Variants in SERPINI1 observed in about 807,000 individuals in gnomAD.
SERPINI1 encodes serpin family I member 1, also known as neuroserpin.
SERPINI1 carries 19 observed loss-of-function variants against 41.1 expected under a neutral mutation model. The observed-to-expected ratio is 0.46, with a 90% CI of 0.32 to 0.68. The LOEUF (loss-of-function observed/expected upper bound fraction) is 0.68, where lower values mean the gene tolerates loss of function less well. SERPINI1 is among the 30% of genes least tolerant of loss of function. The pLI is 0.03. For synonymous variants in SERPINI1, 138 were observed against 156.6 expected (o/e 0.88, Z 0.89); for missense variants, 460 against 479.2 (o/e 0.96, Z 0.37).
chr3:167,749,507 A>G (rs1725975186), intron 1 of SERPINI1, among the ~76,000 whole-genome samples: 1 of 152,124 alleles, frequency 6.6e-6, no homozygotes, highest in Admixed American at 6.5e-5. Context: ...AAAACCATAA[A>G]CCCAGTCTCA....
chr3:167,809,005 A>G (rs920517508), intron 6 of SERPINI1, among the ~76,000 whole-genome samples: 1 of 152,198 alleles, frequency 6.6e-6, no homozygotes, highest in African/African-American at 2.4e-5. Context: ...CAGAGAGCTT[A>G]CAGCCCTAAA....
chr3:167,765,826 C>G (rs1218393735), intron 1 of SERPINI1, among the ~76,000 whole-genome samples: 1 of 152,186 alleles, frequency 6.6e-6, no homozygotes, highest in East Asian at 1.9e-4. Context: ...CCTAAATCAT[C>G]TCTGTCAAGT....
chr3:167,758,979 A>G (rs1397400121), intron 1 of SERPINI1, among the ~76,000 whole-genome samples: 2 of 152,198 alleles, frequency 1.3e-5, no homozygotes, highest in African/African-American at 4.8e-5. Context: ...TTTATAAAAG[A>G]AGCTTAAGAG....
At chr3:167,771,597 C>A (rs1726749618) in intron 1 of SERPINI1, among the ~76,000 whole-genome samples, 1 of 152,096 alleles carries the variant, frequency 6.6e-6, no homozygotes. Flanking sequence ...TGCCTTTGTG[C>A]TCTGTTAGTG....
Position 167,824,515 on chromosome 3 carries a change from T to A in SERPINI1, c.1109T>A (p.Val370Asp). The change falls in exon 8 of 9, where the codon GTT becomes GAT. Residue 370 changes from valine to aspartate, a missense_variant. Coordinates refer to ENST00000446050, the MANE Select transcript of SERPINI1 (RefSeq NM_001122752.2). ...ISRMAVLYPQVIVDHPFFFLI... is the reference protein window; with the variant it reads ...ISRMAVLYPQDIVDHPFFFLI... The stretch of plus-strand genomic sequence containing the variant: ...AGGATGGCTGTGCTGTATCCTCAAG[T>A]TATTGTCGACCATCCATTTTTCTTT... The A allele has an allele frequency of 6.2e-7, 1 of 1,613,734 alleles. No homozygotes were observed. Among genetic ancestry groups the A allele is most frequent in the Non-Finnish European group, 8.5e-7 (1 of 1,179,780 alleles).
rs112949508 is a variant in SERPINI1 at position 167,756,532 on chromosome 3, A to T, written c.-19+20709A>T. On this transcript the variant is annotated intron_variant, in intron 1 of 8. Coordinates refer to ENST00000446050, the MANE Select transcript of SERPINI1 (RefSeq NM_001122752.2). Reference sequence around the variant, plus strand: ...ACCATGTTACTCAGGCTGGTCTTGAACTCCCCTACTCAAGTGATCCACCCA... The same window carrying T: ...ACCATGTTACTCAGGCTGGTCTTGATCTCCCCTACTCAAGTGATCCACCCA... Among the ~76,000 whole-genome samples, 310 of 151,718 alleles carry T rather than the reference A, an allele frequency of 2.0e-3. 1 individual carries two copies. The Middle Eastern group carries it at 0.024, about 12-fold the overall frequency.
intron 1 of SERPINI1, among the ~76,000 whole-genome samples, chr3:167,755,243 C>G (rs868464075): frequency 1.6e-4 from 24 of 152,102 alleles, no homozygotes; most frequent in Non-Finnish European, 1.5e-4. Flanking sequence ...GAAGCACTTC[C>G]TAATTAAGAA....
chr3:167,788,402 C>T (rs1214363183), intron 1 of SERPINI1, among the ~76,000 whole-genome samples: 1 of 152,128 alleles, frequency 6.6e-6, no homozygotes, highest in Non-Finnish European at 1.5e-5. Context: ...GAAATGGTAA[C>T]ATAAGCCTGA....
intron 1 of SERPINI1, among the ~76,000 whole-genome samples, chr3:167,785,946 A>ATTGCCTAAT (rs571789619): frequency 6.4e-4 from 98 of 152,348 alleles, no homozygotes; most frequent in African/African-American, 2.3e-3. Flanking sequence ...ATTTGAACAA[A>ATTGCCTAAT]TGAGTCATTA....
chr3:167,822,835 G>A (rs961841315), intron 6 of SERPINI1, 151 bp from the exon 7 acceptor site: 1 of 610,626 alleles, frequency 1.6e-6, no homozygotes, highest in Non-Finnish European at 2.9e-6. Flanking sequence ...CATCTTCAAT[G>A]GTTATCTCAT....
intron 1 of SERPINI1, among the ~76,000 whole-genome samples, chr3:167,765,165 G>C (rs1726518669): frequency 6.6e-6 from 1 of 152,176 alleles, no homozygotes; most frequent in South Asian, 2.1e-4. Flanking sequence ...CTCCAGTAGG[G>C]ACTCTGTGTG....
intron 1 of SERPINI1, among the ~76,000 whole-genome samples, chr3:167,750,767 T>A (rs1309248441): frequency 6.6e-6 from 1 of 152,174 alleles, no homozygotes; most frequent in Non-Finnish European, 1.5e-5. Context: ...CAGTACCTAG[T>A]TTGCATTTGT....
intron 5 of SERPINI1, among the ~76,000 whole-genome samples, chr3:167,805,114 A>G (rs934550053): frequency 1.3e-5 from 2 of 152,142 alleles, no homozygotes; most frequent in African/African-American, 4.8e-5. Context: ...AAGACCCATG[A>G]TTCTTTTGTT....
At chr3:167,763,395 G>A (rs1726450568) in intron 1 of SERPINI1, among the ~76,000 whole-genome samples, 1 of 151,206 alleles carries the variant, frequency 6.6e-6, no homozygotes, top group South Asian at 2.1e-4. Flanking sequence ...GTGTGTGTGT[G>A]TTGAGACAGG....
chr3:167,753,807 A>C (rs1726117857), intron 1 of SERPINI1, among the ~76,000 whole-genome samples: 1 of 152,208 alleles, frequency 6.6e-6, no homozygotes. Context: ...GAAGACTATC[A>C]GTGTTGTTAG....
chr3:167,781,645 T>C (rs1299052844), intron 1 of SERPINI1, among the ~76,000 whole-genome samples: 2 of 147,758 alleles, frequency 1.4e-5, no homozygotes, highest in Non-Finnish European at 3.0e-5. Context: ...TTTTTTTTTT[T>C]TTTTTTTTTT....
intron 5 of SERPINI1, among the ~76,000 whole-genome samples, chr3:167,795,118 G>T (rs1394801746): frequency 6.6e-6 from 1 of 151,966 alleles, no homozygotes; most frequent in African/African-American, 2.4e-5. Flanking sequence ...ATAATTCAGT[G>T]TTCTTGTCTT....
chr3:167,782,313 C>T (rs1372970492), intron 1 of SERPINI1, among the ~76,000 whole-genome samples: 1 of 152,064 alleles, frequency 6.6e-6, no homozygotes, highest in East Asian at 1.9e-4. Context: ...TATTATATTA[C>T]GTGTCCAGTC....
intron 5 of SERPINI1, among the ~76,000 whole-genome samples, chr3:167,796,881 G>A (rs59098195): frequency 0.12 from 18,194 of 152,042 alleles, 1,240 homozygotes; most frequent in African/African-American, 0.18. Flanking sequence ...GTATATACCC[G>A]GTAATGGGAT....
Sources: allele counts gnomAD v4.1 joint callset (sites outside exome capture counted in the v4.1 genomes callset), GRCh38; gene constraint gnomAD v4.1.1; transcripts MANE v1.5; gene names NCBI Gene and HGNC (gene_info 2026-07-23, HGNC 2026-07-21).